AFAP1L1: variants seen among roughly 807,000 people sequenced by gnomAD.
The protein encoded by AFAP1L1 is actin filament associated protein 1 like 1.
In AFAP1L1, 77 loss-of-function variants were observed where a neutral mutation model predicts 99.8. The observed-to-expected ratio is 0.77, with a 90% confidence interval of 0.64 to 0.93. AFAP1L1 has a LOEUF of 0.93. AFAP1L1 is among the 40% of genes least tolerant of loss of function. The pLI is 0.00. For synonymous variants in AFAP1L1, 373 were observed against 395.3 expected (o/e 0.94, Z 0.67); for missense variants, 893 against 996.8 (o/e 0.90, Z 1.40).
At chr5:149,335,464 G>A (rs879626587) in intron 17 of AFAP1L1, 130 bp from the exon 18 acceptor site, 1 of 1,260,218 alleles carries the variant, frequency 7.9e-7, no homozygotes, top group East Asian at 2.6e-5. Context: ...CTCCCGCCTG[G>A]GTGACAGAGA....
At chr5:149,313,438 G>A (rs1349885634) in intron 9 of AFAP1L1, among the ~76,000 whole-genome samples, 3 of 152,336 alleles carry the variant, frequency 2.0e-5, no homozygotes, top group South Asian at 2.1e-4. Flanking sequence ...AACTCTTTGG[G>A]TAGGTACATT....
chr5:149,305,878 CCACACACA>C (rs56036411), intron 5 of AFAP1L1, among the ~76,000 whole-genome samples: 3,242 of 142,328 alleles, frequency 0.023, 59 homozygotes, highest in African/African-American at 0.049. Context: ...GACCAACACA[CCACACACA>C]CACACACACA....
chr5:149,307,788 A>AACACAC (rs146496937), intron 7 of AFAP1L1, among the ~76,000 whole-genome samples, 175 bp downstream of exon 7: 1 of 92,914 alleles, frequency 1.1e-5, no homozygotes, highest in South Asian at 3.7e-4. Flanking sequence ...GCAGAATTTA[A>AACACAC]ACACACACAC....
intron 9 of AFAP1L1, among the ~76,000 whole-genome samples, chr5:149,315,310 T>C (rs1168337055): frequency 1.3e-5 from 2 of 152,194 alleles, no homozygotes; most frequent in Admixed American, 1.3e-4. Flanking sequence ...CATGACTGTT[T>C]TGAAAATGTC....
intron 17 of AFAP1L1, among the ~76,000 whole-genome samples, chr5:149,334,911 A>G (rs1328758448): frequency 1.3e-5 from 2 of 152,102 alleles, no homozygotes; most frequent in African/African-American, 4.8e-5. Context: ...AAAGAAAGAA[A>G]GAAAGGGCTA....
chr5:149,310,100 C>T lies in AFAP1L1; in HGVS notation c.892C>T (p.Leu298=). Residue 298 remains leucine (L), a synonymous_variant, in exon 8 of 19, where the codon CTG becomes TTG. Transcript: ENST00000296721. ...QGATEVLVLA[L]QSREQAEEWL... The stretch of plus-strand genomic sequence containing the variant: ...GGCTACCGAGGTCTTGGTGCTGGCA[C>T]TGCAGAGCCGAGAGCAGGCCGAGGA... 1 of 1,612,416 alleles carries T rather than the reference C, an allele frequency of 6.2e-7. No individual in the cohort carries two copies. The highest frequency in any genetic ancestry group is 8.5e-7 in the Non-Finnish European group (1 of 1,179,092).
chr5:149,319,538 T>G, intron 12 of AFAP1L1, 44 bp from the exon 13 acceptor site: 1 of 1,560,690 alleles, frequency 6.4e-7, no homozygotes, highest in South Asian at 1.2e-5. Context: ...CCAGGAGCCC[T>G]GACAGTAGGA....
chr5:149,312,306 T>C, intron 9 of AFAP1L1, 102 bp downstream of exon 9: 1 of 1,137,808 alleles, frequency 8.8e-7, no homozygotes, highest in South Asian at 1.2e-5. Flanking sequence ...GTCAGGCAAC[T>C]GCCAAACTGT....
Position 149,298,644 on chromosome 5 carries a change from A to G in AFAP1L1, c.17-865A>G, listed in dbSNP as rs117547377. On this transcript the variant is annotated intron_variant, in intron 1 of 18. Coordinates refer to ENST00000296721, the MANE Select transcript of AFAP1L1 (RefSeq NM_152406.4). ...GCTTAGTGGGTTGCAAAGCAGGGCA[A>G]TACTACTGTGATGAAGCTGGTCTTT... Among the ~76,000 whole-genome samples, 253 of 152,338 alleles carry G rather than the reference A, an allele frequency of 1.7e-3. 7 individuals are homozygous for G. The East Asian group carries it at 0.035, about 21-fold the overall frequency.
intron 1 of AFAP1L1, among the ~76,000 whole-genome samples, chr5:149,276,313 A>G (rs569240049): frequency 7.2e-5 from 11 of 152,376 alleles, no homozygotes; most frequent in African/African-American, 1.7e-4. Flanking sequence ...CCAACAGGGT[A>G]TGTGTTTTCC....
At chr5:149,280,594 T>C (rs1311422094) in intron 1 of AFAP1L1, among the ~76,000 whole-genome samples, 1 of 152,216 alleles carries the variant, frequency 6.6e-6, no homozygotes. Flanking sequence ...CTGCTTCTAG[T>C]TCTGTCTTTC....
At position 149,340,163 on chromosome 5, in the gene AFAP1L1, C is replaced by G. The variant is rs1029993523; in HGVS notation, c.*133C>G. ...TTCTCCAGGGCACCCAAAATACCAG[C>G]CTTTATTGTCTGCATGATTTTAGGG... On this transcript the variant is annotated 3_prime_UTR_variant, in exon 19 of 19. Coordinates refer to ENST00000296721, the MANE Select transcript of AFAP1L1 (RefSeq NM_152406.4). The G allele has an allele frequency of 6.3e-6, 6 of 946,772 alleles. No homozygotes were observed. In the Admixed American group the frequency reaches 7.0e-5, roughly 11 times the overall value. 58.6% of individuals were successfully genotyped at this position (946,772 alleles called of 1,614,324 possible).
intron 1 of AFAP1L1, among the ~76,000 whole-genome samples, chr5:149,274,344 T>A (rs1171146422): frequency 6.6e-6 from 1 of 152,218 alleles, no homozygotes; most frequent in African/African-American, 2.4e-5. Flanking sequence ...TAGTATTCTC[T>A]TTTTAAAAAT....
intron 1 of AFAP1L1, among the ~76,000 whole-genome samples, chr5:149,292,191 G>T (rs562575832): frequency 2.0e-5 from 3 of 152,334 alleles, no homozygotes; most frequent in African/African-American, 4.8e-5. Context: ...CCAATACAGG[G>T]TTTATTATTC....
chr5:149,299,883 AC>A (rs2127593860), intron 2 of AFAP1L1, among the ~76,000 whole-genome samples: 1 of 151,290 alleles, frequency 6.6e-6, no homozygotes, highest in Non-Finnish European at 1.5e-5. Flanking sequence ...GTACTCCTTC[AC>A]CCCTGCCCTC....
intron 18 of AFAP1L1, among the ~76,000 whole-genome samples, chr5:149,339,248 T>C (rs1013973692): frequency 6.6e-6 from 1 of 150,832 alleles, no homozygotes; most frequent in African/African-American, 2.4e-5. Context: ...TGGTATGATC[T>C]TGGCTCACTG....
At chr5:149,318,602 G>A (rs1011972951) in intron 12 of AFAP1L1, among the ~76,000 whole-genome samples, 13 of 152,164 alleles carry the variant, frequency 8.5e-5, no homozygotes, top group African/African-American at 3.1e-4. Flanking sequence ...AATATTTGTT[G>A]AACAAATGAG....
intron 1 of AFAP1L1, among the ~76,000 whole-genome samples, chr5:149,297,659 T>C (rs1756059356): frequency 6.6e-6 from 1 of 152,188 alleles, no homozygotes; most frequent in Non-Finnish European, 1.5e-5. Context: ...CAAGGGTCAC[T>C]ATCTATACAT....
chr5:149,331,464 C>A (rs1280205186), intron 16 of AFAP1L1, among the ~76,000 whole-genome samples: 1 of 151,928 alleles, frequency 6.6e-6, no homozygotes, highest in African/African-American at 2.4e-5. Context: ...ATTAAAAATA[C>A]AAAACATTAG....
Sources: allele counts gnomAD v4.1 joint callset (sites outside exome capture counted in the v4.1 genomes callset), GRCh38; gene constraint gnomAD v4.1.1; transcripts MANE v1.5; gene names NCBI Gene and HGNC (gene_info 2026-07-23, HGNC 2026-07-21).